UTP14A: variants seen among roughly 807,000 people sequenced by gnomAD.
UTP14A encodes the protein U3 small nucleolar RNA-associated protein 14 homolog A.
A neutral mutation model predicts 57.2 loss-of-function variants in UTP14A; 5 were observed. The observed-to-expected ratio is 0.09, with a 90% confidence interval of 0.05 to 0.18. The LOEUF (loss-of-function observed/expected upper bound fraction) is 0.18. Ranked by LOEUF, UTP14A falls within the 10% of genes least tolerant of loss-of-function variation. The pLI is 1.00. For synonymous variants in UTP14A, 169 were observed against 210.9 expected (o/e 0.80, Z 1.72); for missense variants, 430 against 562.1 (o/e 0.76, Z 2.38).
rs1929913378 is a variant in UTP14A, at chrX:129,921,537, G to T, written c.1298G>T (p.Arg433Ile). ...EFEERRSLRK[R>I]SELSQDAEPA... ...GAGGAAAGGCGATCCCTTAGAAAAA[G>T]ATCTGAGCTCAGCCAAGATGCTGAG... The change falls in exon 11 of 15, where the codon AGA becomes ATA. Residue 433 changes from arginine to isoleucine, a missense_variant. This residue lies in a region of UTP14A where 120 missense variants were observed against 116.8 expected (regional missense o/e 1.03). Coordinates refer to ENST00000394422, the MANE Select transcript of UTP14A (RefSeq NM_006649.4). 4.1e-6 allele frequency: 5 copies of T among 1,209,122 alleles called. No homozygotes were observed. Among genetic ancestry groups the T allele is most frequent in the South Asian group, 3.5e-5 (2 of 56,782 alleles).
intron 3 of UTP14A, 143 bp downstream of exon 3, chrX:129,908,273 G>T: frequency 2.1e-6 from 1 of 481,882 alleles, no homozygotes; most frequent in Admixed American, 4.4e-5. Flanking sequence ...ACTGTTAGCT[G>T]TTATTAGTCT....
Position 129,920,481 on chromosome X carries a change from A to C in UTP14A, c.777A>C (p.Gly259=), listed in dbSNP as rs770884088. Residue 259 remains glycine (G), a synonymous_variant, in exon 9 of 15, where the codon GGA becomes GGC. Transcript: ENST00000394422. Reference sequence around the variant, plus strand: ...GGTATCACAAAGTCGTGAAGAAAGGAAAGGCCAAGAAAGCCCTAAAAGAGT... The same window carrying C: ...GGTATCACAAAGTCGTGAAGAAAGGCAAGGCCAAGAAAGCCCTAAAAGAGT... The part of the protein sequence containing the change: ...SKKYHKVVKK[G]KAKKALKEFE... 16 of 1,212,152 alleles carry C rather than the reference A, an allele frequency of 1.3e-5. No individual in the cohort carries two copies. Among genetic ancestry groups the C allele is most frequent in the Non-Finnish European group, 1.8e-5 (16 of 895,629 alleles).
chrX:129,919,311 C>A lies in UTP14A; in HGVS notation c.657+17C>A. On this transcript the variant is annotated intron_variant, in intron 7 of 14. Coordinates refer to ENST00000394422, the MANE Select transcript of UTP14A (RefSeq NM_006649.4). The stretch of plus-strand genomic sequence containing the variant: ...CTAGAAGAGGTAAGTGTGTCATAGG[C>A]CCTTCAGCACACCCAGGCATGCCAC... 1 of 1,211,338 alleles carries A rather than the reference C, an allele frequency of 8.3e-7. No homozygotes were observed. Among genetic ancestry groups the A allele is most frequent in the Non-Finnish European group, 1.1e-6 (1 of 895,403 alleles).
chrX:129,922,496 T>G (rs1199738102), intron 11 of UTP14A: 4 of 111,728 alleles, frequency 3.6e-5, no homozygotes, highest in Non-Finnish European at 7.5e-5. Context: ...AATCATACCT[T>G]ACTGCAGCCT....
At position 129,919,297 on chromosome X, in the gene UTP14A, A is replaced by G. The variant is rs766147763; in HGVS notation, c.657+3A>G. The G allele has an allele frequency of 2.5e-6, 3 of 1,209,798 alleles. No individual in the cohort carries two copies. In the African/African-American group the frequency reaches 5.3e-5, roughly 21 times the overall value. ...TCCGAGCCATGAGCCTAGAAGAGGTAAGTGTGTCATAGGCCCTTCAGCACA... is the reference window on the plus strand; with the variant it reads ...TCCGAGCCATGAGCCTAGAAGAGGTGAGTGTGTCATAGGCCCTTCAGCACA... On this transcript the variant is annotated splice_donor_region_variant and intron_variant, in intron 7 of 14. Coordinates refer to ENST00000394422, the MANE Select transcript of UTP14A (RefSeq NM_006649.4).
intron 6 of UTP14A, among the ~76,000 whole-genome samples, chrX:129,918,005 T>C (rs1476971051): frequency 8.9e-6 from 1 of 112,330 alleles, no homozygotes; most frequent in Non-Finnish European, 1.9e-5. Flanking sequence ...CAGTTGGCTA[T>C]GGTCAAAAAA....
chrX:129,926,262 G>C lies in UTP14A; in HGVS notation c.1966G>C (p.Gly656Arg). Residue 656 changes from glycine to arginine, a missense_variant, in exon 14 of 15, where the codon GGT (glycine) becomes CGT (arginine). Physicochemically the swap from Gly to Arg is moderately radical, Grantham distance 125 (BLOSUM62 -2). Around this residue, in one of 4 missense-constraint regions of UTP14A, gnomAD observed 82 missense variants for 151.4 expected, o/e 0.54. Transcript: ENST00000394422. ...RRRFLIKAPEGPPRKDKNLPN... is the reference protein window; with the variant it reads ...RRRFLIKAPERPPRKDKNLPN... ...CAGGTTTCTCATTAAAGCCCCTGAG[G>C]GTCCTCCAAGAAAAGATAAGAATTT... 8.3e-7 allele frequency: 1 copy of C among 1,211,478 alleles called. No homozygotes were observed. Among genetic ancestry groups the C allele is most frequent in the Non-Finnish European group, 1.1e-6 (1 of 895,375 alleles).
At chrX:129,914,873 A>G (rs1040555245) in intron 6 of UTP14A, among the ~76,000 whole-genome samples, 2 of 112,126 alleles carry the variant, frequency 1.8e-5, no homozygotes, top group Non-Finnish European at 3.8e-5. Context: ...GCATGCCCCT[A>G]CTGGAGATCG....
intron 6 of UTP14A, among the ~76,000 whole-genome samples, 159 bp downstream of exon 6, chrX:129,912,080 T>C (rs752683954): frequency 1.5e-3 from 168 of 110,812 alleles, no homozygotes; most frequent in Non-Finnish European, 2.7e-3. Flanking sequence ...TTGTCAGTCA[T>C]GTGATAGCCA....
rs1929487837 is a variant in UTP14A, at chrX:129,911,938, G to C, written c.537+17G>C. The C allele has an allele frequency of 2.5e-6, 3 of 1,204,841 alleles. No homozygotes were observed. In the Admixed American group the frequency reaches 6.6e-5, roughly 26 times the overall value. On this transcript the variant is annotated intron_variant, in intron 6 of 14. Transcript: ENST00000394422. ...GGCTGGAAGGTGAGTACAACAAAAT[G>C]AAACTGAAAGGTGAGATTTTATAAG...
intron 4 of UTP14A, 129 bp downstream of exon 4, chrX:129,908,863 G>C: frequency 3.3e-6 from 2 of 611,088 alleles, no homozygotes; most frequent in Non-Finnish European, 5.3e-6. Flanking sequence ...ACCTGGGAGA[G>C]TGGGTGAAGA....
Position 129,921,272 on chromosome X carries a change from G to A in UTP14A, c.1033G>A (p.Glu345Lys). ...ACTCCAGGTAGCCTCTGAGAGTGAGGAAGAGGAGGGAGGCACAGAAGATGT... is the reference window on the plus strand; with the variant it reads ...ACTCCAGGTAGCCTCTGAGAGTGAGAAAGAGGAGGGAGGCACAGAAGATGT... ...QKLQVASESE[E>K]EEGGTEDVEE... Residue 345 changes from glutamate (E) to lysine (K), a missense_variant, in exon 11 of 15, where the codon GAA (glutamate) becomes AAA (lysine). Glu to Lys is a moderately conservative substitution (Grantham distance 56). Transcript: ENST00000394422. The A allele has an allele frequency of 1.8e-5, 22 of 1,211,753 alleles. No homozygotes were observed. The highest frequency in any genetic ancestry group is 2.2e-5 in the Non-Finnish European group (20 of 895,576).
In UTP14A at chrX:129,920,663, CT is replaced by C. The variant is rs762555495; in HGVS notation, c.877-9del. 3.3e-6 allele frequency: 4 copies of C among 1,205,380 alleles called. No homozygotes were observed. The highest frequency in any genetic ancestry group is 4.5e-6 in the Non-Finnish European group (4 of 892,505). ...CTAAAGATGTAAATCTCACTCTGTC[CT>C]TTCTTTCTAGGAAAGAATGAGCCTT... On this transcript the variant is annotated splice_polypyrimidine_tract_variant and intron_variant, in intron 9 of 14. Coordinates refer to ENST00000394422, the MANE Select transcript of UTP14A (RefSeq NM_006649.4).
intron 14 of UTP14A, among the ~76,000 whole-genome samples, chrX:129,928,316 C>T (rs1319473305): frequency 9.1e-5 from 8 of 88,139 alleles, no homozygotes; most frequent in Non-Finnish European, 8.4e-5. Context: ...ACCTGGGAGG[C>T]GGAGCTTGCA....
intron 1 of UTP14A, 75 bp downstream of exon 1, chrX:129,906,311 G>A: frequency 2.9e-6 from 3 of 1,041,013 alleles, no homozygotes; most frequent in Admixed American, 2.3e-5. Flanking sequence ...GGAAATGGGA[G>A]CCCCCCCTTT....
intron 1 of UTP14A, 41 bp from the exon 2 acceptor site, chrX:129,907,326 G>T: frequency 9.0e-7 from 1 of 1,113,572 alleles, no homozygotes; most frequent in East Asian, 3.0e-5. Context: ...TTGTTACATG[G>T]GTATATTGCA....
intron 3 of UTP14A, 27 bp from the exon 4 acceptor site, chrX:129,908,643 C>A (rs757548026): frequency 3.3e-6 from 4 of 1,198,508 alleles, no homozygotes; most frequent in Non-Finnish European, 4.5e-6. Context: ...TTATTCATTC[C>A]TATTATATCG....
intron 14 of UTP14A, among the ~76,000 whole-genome samples, chrX:129,928,009 A>G (rs1344494924): frequency 9.0e-6 from 1 of 110,759 alleles, no homozygotes; most frequent in African/African-American, 3.3e-5. Flanking sequence ...CTCTAAGCCA[A>G]ATCTTCAGGC....
chrX:129,912,063 A>G (rs1929494211), intron 6 of UTP14A, 142 bp downstream of exon 6: 3 of 747,057 alleles, frequency 4.0e-6, no homozygotes, highest in East Asian at 7.1e-5. Context: ...GGGGTTGCCC[A>G]TCGTCATTGT....
Sources: allele counts gnomAD v4.1 joint callset (sites outside exome capture counted in the v4.1 genomes callset), GRCh38; gene constraint gnomAD v4.1.1; regional missense constraint gnomAD v4.1.1; transcripts MANE v1.5; gene names NCBI Gene and HGNC (gene_info 2026-07-23, HGNC 2026-07-21).